Variants in OTOP1 observed in about 807,000 individuals in gnomAD.
OTOP1 encodes the protein otopetrin 1, also known as proton channel OTOP1.
Under a neutral mutation model 52.9 loss-of-function variants are expected in OTOP1, and 59 were observed. The observed-to-expected ratio is 1.12, with a 90% confidence interval of 0.91 to 1.39. The LOEUF (loss-of-function observed/expected upper bound fraction) is 1.39. OTOP1 is among the 40% of genes most tolerant of loss of function. OTOP1 has a pLI of 0.00. For missense variants in OTOP1, 761 were observed against 800.9 expected (o/e 0.95, Z 0.60); for synonymous variants, 317 against 337.7 (o/e 0.94, Z 0.67).
At chr4:4,220,237 T>C (rs1344965429) in intron 1 of OTOP1, among the ~76,000 whole-genome samples, 2 of 151,182 alleles carry the variant, frequency 1.3e-5, no homozygotes, top group South Asian at 2.1e-4. Context: ...CTGCTTTATA[T>C]ATTTAACTGC....
intron 2 of OTOP1, among the ~76,000 whole-genome samples, chr4:4,208,014 T>G (rs559940816): frequency 6.6e-6 from 1 of 152,166 alleles, no homozygotes; most frequent in Non-Finnish European, 1.5e-5. Context: ...GAATAGTTGC[T>G]TATGCATCCG....
chr4:4,189,300 C>T (rs1297014665), intron 5 of OTOP1, among the ~76,000 whole-genome samples: 11 of 152,212 alleles, frequency 7.2e-5, no homozygotes, highest in Non-Finnish European at 1.5e-4. Flanking sequence ...AATTCTAACA[C>T]GTGTCTGAGA....
At chr4:4,220,796 C>T (rs1448375490) in intron 1 of OTOP1, among the ~76,000 whole-genome samples, 2 of 152,012 alleles carry the variant, frequency 1.3e-5, no homozygotes, top group Non-Finnish European at 2.9e-5. Context: ...AGAGGGAACC[C>T]CCTCCTCTTT....
intron 1 of OTOP1, among the ~76,000 whole-genome samples, chr4:4,216,845 A>G (rs1433468159): frequency 6.6e-6 from 1 of 152,234 alleles, no homozygotes; most frequent in Non-Finnish European, 1.5e-5. Context: ...CAGGATTCCC[A>G]TACAGAAAAT....
Position 4,197,805 on chromosome 4 carries a change from G to A in OTOP1, c.1029C>T (p.Ser343=), listed in dbSNP as rs189562977. The A allele has an allele frequency of 7.7e-5, 124 of 1,613,952 alleles. No individual in the cohort carries two copies. In the East Asian group the frequency reaches 8.2e-4, roughly 11 times the overall value. Residue 343 remains serine, a synonymous_variant, in exon 5 of 6, where the codon AGC becomes AGT. Coordinates refer to ENST00000296358, the MANE Select transcript of OTOP1 (RefSeq NM_177998.3). ...LIHIGRSKTK[S]ESALIMFYLY... ...GGTAGAACATGATGAGTGCCGACTC[G>A]CTCTTGGTCTTGGAGCGCCCAATAT...
rs35580858 is a variant in OTOP1 at position 4,223,409 on chromosome 4, AGATGGATGGATG to A, written c.403+3041_403+3052del. Among the ~76,000 whole-genome samples the A allele has an allele frequency of 5.2e-3, 779 of 149,108 alleles. 6 individuals are homozygous for A. Among genetic ancestry groups the A allele is most frequent in the African/African-American group, 0.016 (667 of 40,498 alleles). ...AACATGGATGGATGGATGGACGGAC[AGATGGATGGATG>A]GATGGATGGATGGATGGATGGATGA... On this transcript the variant is annotated intron_variant, in intron 1 of 5. Coordinates refer to ENST00000296358, the MANE Select transcript of OTOP1 (RefSeq NM_177998.3).
chr4:4,207,610 TA>T (rs1482288661), intron 2 of OTOP1, among the ~76,000 whole-genome samples: 11 of 151,866 alleles, frequency 7.2e-5, no homozygotes, highest in Non-Finnish European at 1.5e-4. Flanking sequence ...TATATATATA[TA>T]TATCCAAAAG....
intron 5 of OTOP1, among the ~76,000 whole-genome samples, chr4:4,193,897 A>AG (rs139724770): frequency 0.062 from 9,394 of 152,298 alleles, 444 homozygotes; most frequent in Admixed American, 0.15. Flanking sequence ...AGTTTTAAAA[A>AG]ATATATTAGG....
At chr4:4,195,282 G>A (rs1716597039) in intron 5 of OTOP1, among the ~76,000 whole-genome samples, 1 of 152,178 alleles carries the variant, frequency 6.6e-6, no homozygotes, top group Non-Finnish European at 1.5e-5. Flanking sequence ...CACATATTGT[G>A]TACCTCTGCC....
chr4:4,206,376 T>C (rs1716906767), intron 2 of OTOP1, among the ~76,000 whole-genome samples: 2 of 152,186 alleles, frequency 1.3e-5, no homozygotes, highest in South Asian at 4.1e-4. Context: ...ATTAAGGATG[T>C]CTTCTGTGAT....
chr4:4,209,936 G>C (rs1004746174), intron 2 of OTOP1, among the ~76,000 whole-genome samples: 2 of 152,074 alleles, frequency 1.3e-5, no homozygotes, highest in African/African-American at 4.8e-5. Flanking sequence ...CTACACCTGT[G>C]CTCCTCCCTC....
chr4:4,204,353 A>C (rs576022286), intron 3 of OTOP1, among the ~76,000 whole-genome samples: 6 of 152,274 alleles, frequency 3.9e-5, no homozygotes, highest in African/African-American at 1.4e-4. Flanking sequence ...AGCCTTTGAC[A>C]AACGCAGACA....
At chr4:4,215,444 C>T (rs1350800942) in intron 1 of OTOP1, among the ~76,000 whole-genome samples, 3 of 152,072 alleles carry the variant, frequency 2.0e-5, no homozygotes, top group African/African-American at 7.2e-5. Flanking sequence ...GGTGGATCAC[C>T]TGAGGTTGGG....
intron 5 of OTOP1, among the ~76,000 whole-genome samples, chr4:4,196,507 A>G (rs113969341): frequency 0.078 from 11,928 of 152,300 alleles, 589 homozygotes; most frequent in South Asian, 0.12. Flanking sequence ...CAGTGAGCCA[A>G]GATCGCACCA....
At chr4:4,199,398 TG>T (rs540864461) in intron 4 of OTOP1, among the ~76,000 whole-genome samples, 1 of 151,946 alleles carries the variant, frequency 6.6e-6, no homozygotes, top group Non-Finnish European at 1.5e-5. Flanking sequence ...TGGGGTATTT[TG>T]GGGGTTTTTT....
At chr4:4,224,442 G>C (rs775101919) in intron 1 of OTOP1, among the ~76,000 whole-genome samples, 3 of 151,224 alleles carry the variant, frequency 2.0e-5, no homozygotes, top group Non-Finnish European at 4.4e-5. Context: ...AGGAGGGAAG[G>C]AAGAAGGGAG....
chr4:4,200,762 T>C (rs1373727919), intron 4 of OTOP1, among the ~76,000 whole-genome samples: 6 of 150,794 alleles, frequency 4.0e-5, no homozygotes, highest in African/African-American at 1.5e-4. Context: ...CTCCCTTTGT[T>C]GCCCAGGCTG....
chr4:4,188,749 G>A lies in OTOP1; in HGVS notation c.*54C>T, dbSNP rs1471641110. On this transcript the variant is annotated 3_prime_UTR_variant, in exon 6 of 6. Coordinates refer to ENST00000296358, the MANE Select transcript of OTOP1 (RefSeq NM_177998.3). ...TATTTGCCCAACCTGGCCACTCCTA[G>A]TTGGCTCCAATGAACTCTTGTTAGC... The A allele has an allele frequency of 6.7e-7, 1 of 1,501,344 alleles. No individual in the cohort carries two copies. Among genetic ancestry groups the A allele is most frequent in the Non-Finnish European group, 8.9e-7 (1 of 1,119,294 alleles). 93.0% of individuals were successfully genotyped at this position (1,501,344 alleles called of 1,614,324 possible).
chr4:4,190,950 A>T (rs1274865526), intron 5 of OTOP1, among the ~76,000 whole-genome samples: 1 of 152,078 alleles, frequency 6.6e-6, no homozygotes, highest in Admixed American at 6.5e-5. Flanking sequence ...CTGGTTGTAA[A>T]TGCCAGCTAT....
Sources: gnomAD v4.1 joint callset for allele counts (sites outside exome capture counted in the v4.1 genomes callset) on GRCh38, gnomAD v4.1.1 for gene constraint, MANE v1.5 for transcripts, NCBI Gene and HGNC (gene_info 2026-07-23, HGNC 2026-07-21) for gene names.